CSTPP1: variants seen among roughly 807,000 people sequenced by gnomAD.
CSTPP1 encodes UPF0705 protein C11orf49.
At chr11:47,137,810 G>GA in the CSTPP1 span, 18 of 1,396,708 alleles carry the variant, frequency 1.3e-5, no homozygotes, top group Non-Finnish European at 1.5e-5. Context: ...GTATACAAAT[G>GA]AAAAAAAGGA....
the CSTPP1 span, among the ~76,000 whole-genome samples, chr11:47,012,148 C>T: frequency 1.3e-5 from 2 of 151,900 alleles, no homozygotes; most frequent in Admixed American, 1.3e-4. Context: ...TGGCACACAC[C>T]TATAGTCCCA....
the CSTPP1 span, chr11:47,159,540 G>A: frequency 2.6e-5 from 11 of 429,720 alleles, no homozygotes; most frequent in South Asian, 1.5e-4. Flanking sequence ...ACAGGCGAGA[G>A]TCAGGAATCA....
the CSTPP1 span, among the ~76,000 whole-genome samples, chr11:47,027,339 C>G: frequency 7.2e-5 from 11 of 152,010 alleles, no homozygotes. Flanking sequence ...ATTTTAAAAC[C>G]CTGACAGGGT....
the CSTPP1 span, among the ~76,000 whole-genome samples, chr11:46,992,148 T>C: frequency 6.6e-6 from 1 of 152,172 alleles, no homozygotes; most frequent in African/African-American, 2.4e-5. Context: ...ATATTTTAAG[T>C]TATTGAATAC....
At chr11:47,101,200 T>TTTTTTC in the CSTPP1 span, among the ~76,000 whole-genome samples, 1 of 136,474 alleles carries the variant, frequency 7.3e-6, no homozygotes. Context: ...ATTTTATTTT[T>TTTTTTC]AGTAGAGATG....
the CSTPP1 span, among the ~76,000 whole-genome samples, chr11:47,070,160 A>G: frequency 1.3e-5 from 2 of 152,122 alleles, no homozygotes; most frequent in Non-Finnish European, 2.9e-5. Context: ...GGAGTTGGAG[A>G]ACATAAGTGC....
the CSTPP1 span, among the ~76,000 whole-genome samples, chr11:47,107,289 C>T: frequency 6.6e-6 from 1 of 152,172 alleles, no homozygotes; most frequent in African/African-American, 2.4e-5. Context: ...TGGAACACTC[C>T]TCCTGGGCTC....
the CSTPP1 span, among the ~76,000 whole-genome samples, chr11:47,014,385 GAAAAA>G: frequency 6.8e-6 from 1 of 147,618 alleles, no homozygotes; most frequent in Non-Finnish European, 1.5e-5. Context: ...GAAAGAAAAA[GAAAAA>G]AAAAAGAGAG....
At chr11:47,159,402 C>T in the CSTPP1 span, among the ~76,000 whole-genome samples, 4 of 151,942 alleles carry the variant, frequency 2.6e-5, no homozygotes, top group African/African-American at 9.7e-5. Context: ...CCCAGCTACT[C>T]GGGAGGCTGA....
the CSTPP1 span, among the ~76,000 whole-genome samples, chr11:47,026,440 A>T: frequency 6.6e-6 from 1 of 151,562 alleles, no homozygotes; most frequent in Non-Finnish European, 1.5e-5. Flanking sequence ...AATTGTTGTT[A>T]TTTTTTTTTA....
At chr11:46,958,023 A>G in the CSTPP1 span, among the ~76,000 whole-genome samples, 1 of 152,242 alleles carries the variant, frequency 6.6e-6, no homozygotes, top group African/African-American at 2.4e-5. Context: ...CCTCTGAGAC[A>G]GTAAGATCAA....
chr11:47,134,563 C>T, the CSTPP1 span, among the ~76,000 whole-genome samples: 145 of 152,210 alleles, frequency 9.5e-4, 2 homozygotes, highest in East Asian at 0.026. Flanking sequence ...TGCTGGAGCA[C>T]AAAGGGCTGT....
chr11:46,976,216 GT>G, the CSTPP1 span, among the ~76,000 whole-genome samples: 2 of 152,140 alleles, frequency 1.3e-5, no homozygotes, highest in Admixed American at 1.3e-4. Flanking sequence ...TCGTTTTTCT[GT>G]GAGAAAGCAT....
the CSTPP1 span, among the ~76,000 whole-genome samples, chr11:47,038,790 C>T: frequency 6.3e-5 from 7 of 110,248 alleles, 1 homozygote; most frequent in East Asian, 1.3e-3. Context: ...TCAGATGGGG[C>T]GGTTGCCGGG....
chr11:47,087,568 G>A, the CSTPP1 span, among the ~76,000 whole-genome samples: 1 of 152,124 alleles, frequency 6.6e-6, no homozygotes, highest in Non-Finnish European at 1.5e-5. Flanking sequence ...GCATGGTGGT[G>A]CGGGCCTGTA....
At chr11:47,116,675 G>GTTTTTT in the CSTPP1 span, among the ~76,000 whole-genome samples, 44 of 83,928 alleles carry the variant, frequency 5.2e-4, 1 homozygote, top group Middle Eastern at 0.014. Context: ...TGCTTGGTAG[G>GTTTTTT]TTTTTTTTTT....
chr11:47,156,685 A>C, the CSTPP1 span, among the ~76,000 whole-genome samples: 4 of 152,210 alleles, frequency 2.6e-5, no homozygotes, highest in Non-Finnish European at 5.9e-5. Context: ...GCAAGGAGAC[A>C]GATTAGACAA....
the CSTPP1 span, among the ~76,000 whole-genome samples, chr11:47,054,505 G>A: frequency 6.6e-6 from 1 of 152,014 alleles, no homozygotes; most frequent in Non-Finnish European, 1.5e-5. Context: ...TAGAGACGGG[G>A]TTTTGCTGTG....
At chr11:46,973,775 G>GGTGTGTGT in the CSTPP1 span, among the ~76,000 whole-genome samples, 7 of 57,640 alleles carry the variant, frequency 1.2e-4, no homozygotes, top group Non-Finnish European at 2.5e-4. Flanking sequence ...TATACTGGAG[G>GGTGTGTGT]GTGTATGTGT....
Sources: gnomAD v4.1 joint callset for allele counts (sites outside exome capture counted in the v4.1 genomes callset) on GRCh38, gnomAD v4.1.1 for gene constraint, MANE v1.5 for transcripts, NCBI Gene and HGNC (gene_info 2026-07-23, HGNC 2026-07-21) for gene names.